The following GALNTL6 variants were observed in gnomAD, a reference collection of about 807,000 sequenced individuals.
GALNTL6 encodes polypeptide N-acetylgalactosaminyltransferase-like 6.
Under a neutral mutation model 73.7 loss-of-function variants are expected in GALNTL6, and 46 were observed. The observed-to-expected ratio is 0.62, with a 90% CI of 0.49 to 0.80. The LOEUF is 0.80. Ranked by LOEUF, GALNTL6 falls within the 30% of genes least tolerant of loss-of-function variation. GALNTL6 has a pLI of 0.00. For missense variants in GALNTL6, 604 were observed against 755.0 expected, an observed-to-expected ratio of 0.80 and a Z score of 2.34; for synonymous variants, 259 against 263.7, an observed-to-expected ratio of 0.98 and a Z score of 0.17.
intron 5 of GALNTL6, among the ~76,000 whole-genome samples, chr4:172,357,680 A>ATG (rs1742213390): frequency 6.9e-6 from 1 of 145,400 alleles, no homozygotes; most frequent in Non-Finnish European, 1.5e-5. Context: ...GAATTCATAT[A>ATG]TATATGATGC....
intron 8 of GALNTL6, among the ~76,000 whole-genome samples, 170 bp from the exon 9 acceptor site, chr4:172,930,991 T>A (rs948374576): frequency 6.6e-6 from 1 of 152,108 alleles, no homozygotes; most frequent in Non-Finnish European, 1.5e-5. Flanking sequence ...CTTTTATGAA[T>A]CTAGGTTTTA....
At chr4:172,768,267 G>A (rs553393534) in intron 5 of GALNTL6, among the ~76,000 whole-genome samples, 255 of 152,222 alleles carry the variant, frequency 1.7e-3, no homozygotes, top group Non-Finnish European at 2.5e-3. Flanking sequence ...CAATCAGCAG[G>A]AGAGAGAAGA....
intron 2 of GALNTL6, among the ~76,000 whole-genome samples, chr4:171,988,139 C>T (rs1167705002): frequency 3.3e-5 from 5 of 152,224 alleles, no homozygotes; most frequent in South Asian, 2.1e-4. Context: ...GAGGGCTAGG[C>T]TAAAACAGTA....
intron 2 of GALNTL6, among the ~76,000 whole-genome samples, chr4:172,078,958 C>A (rs1731794690): frequency 6.6e-6 from 1 of 152,042 alleles, no homozygotes; most frequent in Non-Finnish European, 1.5e-5. Flanking sequence ...CATACATGAT[C>A]ATATTACTGT....
intron 2 of GALNTL6, among the ~76,000 whole-genome samples, chr4:172,107,805 A>T (rs1910887): frequency 0.1 from 14,832 of 146,798 alleles, 891 homozygotes; most frequent in East Asian, 0.32. Flanking sequence ...GTGCACATGT[A>T]CTCTAAAACT....
At chr4:171,900,401 A>G (rs1737050532) in intron 2 of GALNTL6, among the ~76,000 whole-genome samples, 1 of 151,982 alleles carries the variant, frequency 6.6e-6, no homozygotes, top group South Asian at 2.1e-4. Context: ...TCTGCCTCCC[A>G]GGTTCAAGCG....
intron 8 of GALNTL6, among the ~76,000 whole-genome samples, chr4:172,921,265 A>C (rs1371162292): frequency 6.6e-6 from 1 of 152,194 alleles, no homozygotes; most frequent in Non-Finnish European, 1.5e-5. Context: ...TTATTTCCAT[A>C]AAGTGTATTA....
chr4:171,926,866 A>C (rs1737998914), intron 2 of GALNTL6, among the ~76,000 whole-genome samples: 2 of 152,088 alleles, frequency 1.3e-5, no homozygotes, highest in Admixed American at 1.3e-4. Flanking sequence ...CGTTAGTTTT[A>C]GCTTTTGCAC....
rs72986514 is a variant in GALNTL6, at chr4:172,054,825, T to C, written c.139-174831T>C. On this transcript the variant is annotated intron_variant, in intron 2 of 12. Coordinates refer to ENST00000506823, the MANE Select transcript of GALNTL6 (RefSeq NM_001034845.3). ...TCCAACTACTGAACTTCGAAACAAATGAGAAGTCGTGCCTTTTCATTAATG... is the reference window on the plus strand; with the variant it reads ...TCCAACTACTGAACTTCGAAACAAACGAGAAGTCGTGCCTTTTCATTAATG... 1.2e-3 allele frequency among the ~76,000 whole-genome samples: 187 copies of C among 152,284 alleles called. 1 individual carries two copies. Among genetic ancestry groups the C allele is most frequent in the African/African-American group, 3.7e-3 (154 of 41,580 alleles).
intron 5 of GALNTL6, among the ~76,000 whole-genome samples, chr4:172,742,604 G>T (rs1205448528): frequency 2.6e-5 from 4 of 152,010 alleles, no homozygotes; most frequent in East Asian, 3.9e-4. Flanking sequence ...AATGAGAAGG[G>T]CCGCTACCAT....
At chr4:172,673,063 G>A (rs1732080384) in intron 5 of GALNTL6, among the ~76,000 whole-genome samples, 1 of 151,940 alleles carries the variant, frequency 6.6e-6, no homozygotes. Flanking sequence ...TCTTGCATTG[G>A]GATTTGTTTG....
intron 2 of GALNTL6, among the ~76,000 whole-genome samples, chr4:172,115,083 T>C (rs540476094): frequency 2.6e-5 from 4 of 152,124 alleles, no homozygotes; most frequent in Non-Finnish European, 5.9e-5. Flanking sequence ...TCTTAAGAGC[T>C]CTATATCCTT....
At chr4:172,233,126 C>T (rs1399090558) in intron 3 of GALNTL6, among the ~76,000 whole-genome samples, 4 of 148,798 alleles carry the variant, frequency 2.7e-5, no homozygotes, top group Admixed American at 6.9e-5. Flanking sequence ...CCCAGCACAC[C>T]GGGTGGCAGC....
intron 10 of GALNTL6, among the ~76,000 whole-genome samples, chr4:172,999,744 A>G (rs1467682733): frequency 7.4e-6 from 1 of 135,400 alleles, no homozygotes; most frequent in African/African-American, 2.7e-5. Context: ...ATGTCTAAAC[A>G]CATATCTTCT....
intron 5 of GALNTL6, among the ~76,000 whole-genome samples, chr4:172,755,516 C>T (rs1459553690): frequency 6.6e-6 from 1 of 152,110 alleles, no homozygotes; most frequent in Non-Finnish European, 1.5e-5. Flanking sequence ...ATCCAAGTAC[C>T]TTGCACACTG....
In GALNTL6 at chr4:172,010,938, T is replaced by A. The variant is rs530206210; in HGVS notation, c.138+196220T>A. Among the ~76,000 whole-genome samples the A allele has an allele frequency of 2.8e-4, 43 of 152,204 alleles. 2 individuals are homozygous for A. The South Asian group carries it at 8.9e-3, about 32-fold the overall frequency. ...GAGATGGTTCTTGTAAGATGGATGC[T>A]ATATATTCCCATATTGTAAACAAAA... On this transcript the variant is annotated intron_variant, in intron 2 of 12. Coordinates refer to ENST00000506823, the MANE Select transcript of GALNTL6 (RefSeq NM_001034845.3).
chr4:172,787,461 G>A (rs984417650), intron 5 of GALNTL6, among the ~76,000 whole-genome samples: 5 of 152,150 alleles, frequency 3.3e-5, no homozygotes, highest in African/African-American at 1.2e-4. Flanking sequence ...CATAATAAAC[G>A]CTCATTAGGC....
chr4:172,308,406 G>T (rs1740232884), intron 3 of GALNTL6, among the ~76,000 whole-genome samples: 1 of 151,712 alleles, frequency 6.6e-6, no homozygotes, highest in African/African-American at 2.4e-5. Flanking sequence ...TTTTTTTCCA[G>T]TTCTCAGGCA....
At chr4:172,309,629 ATTG>A (rs1740278403) in intron 3 of GALNTL6, among the ~76,000 whole-genome samples, 1 of 152,256 alleles carries the variant, frequency 6.6e-6, no homozygotes, top group African/African-American at 2.4e-5. Context: ...ATAATTATTT[ATTG>A]TTAACTATAT....
Sources: allele counts gnomAD v4.1 joint callset (sites outside exome capture counted in the v4.1 genomes callset), GRCh38; gene constraint gnomAD v4.1.1; transcripts MANE v1.5; gene names NCBI Gene and HGNC (gene_info 2026-07-23, HGNC 2026-07-21).